TDRP: variants seen among roughly 807,000 people sequenced by gnomAD.
TDRP encodes the protein testis development related protein.
A neutral mutation model predicts 10.5 loss-of-function variants in TDRP; 12 were observed. The ratio of observed to expected loss-of-function variants is 1.15; its 90% CI spans 0.73 to 1.86. The LOEUF is 1.86. TDRP is among the 40% of genes most tolerant of loss of function. TDRP has a pLI of 0.00. For synonymous variants in TDRP, 139 were observed against 95.4 expected (o/e 1.46, Z -2.67); for missense variants, 353 against 229.2 (o/e 1.54, Z -3.49).
At chr8:503,922 C>T (rs942316343) in intron 1 of TDRP, among the ~76,000 whole-genome samples, 4 of 147,378 alleles carry the variant, frequency 2.7e-5, no homozygotes, top group Non-Finnish European at 6.0e-5. Context: ...CACGCACCAA[C>T]ATGGAATCCA....
chr8:542,314 G>A (rs1802517447), intron 1 of TDRP, among the ~76,000 whole-genome samples: 1 of 152,074 alleles, frequency 6.6e-6, no homozygotes, highest in Admixed American at 6.6e-5. Flanking sequence ...ACAATGGTGG[G>A]CAAACGTCAG....
At chr8:511,269 G>C (rs1801609769) in intron 1 of TDRP, among the ~76,000 whole-genome samples, 1 of 152,110 alleles carries the variant, frequency 6.6e-6, no homozygotes, top group Non-Finnish European at 1.5e-5. Context: ...AAAACTGACT[G>C]AAAGTGAAAG....
chr8:491,709 A>C lies in TDRP; in HGVS notation c.*690T>G. 2 of 1,492,640 alleles carry C rather than the reference A, an allele frequency of 1.3e-6. No individual in the cohort carries two copies. The highest frequency in any genetic ancestry group is 1.8e-6 in the Non-Finnish European group (2 of 1,133,578). 92.5% of individuals were successfully genotyped at this position (1,492,640 alleles called of 1,614,324 possible). A position where few individuals can be genotyped will look rare whatever the true frequency, so the allele number is the denominator to read the frequency against. ...AGAGAGCAAATGTTTTAAGAAAATA[A>C]AGGGACCGATTTAGAAGTTCAAAAG... On this transcript the variant is annotated 3_prime_UTR_variant, in exon 3 of 3. Coordinates refer to ENST00000324079, the MANE Select transcript of TDRP (RefSeq NM_001384899.1).
chr8:517,638 T>C (rs997287261), intron 1 of TDRP, among the ~76,000 whole-genome samples: 1 of 152,134 alleles, frequency 6.6e-6, no homozygotes, highest in African/African-American at 2.4e-5. Context: ...CAAACCAATA[T>C]ATACCTTACA....
chr8:530,430 T>A (rs550152543), intron 1 of TDRP, among the ~76,000 whole-genome samples: 11 of 152,288 alleles, frequency 7.2e-5, no homozygotes, highest in African/African-American at 2.6e-4. Context: ...TCATTATTTT[T>A]TTGCTGGGAT....
rs1288172039 is a variant in TDRP at position 496,187 on chromosome 8, A to G, written c.109-1590T>C. ...CAGGTATCAGCTTTCCACATCACACACTGCACAAAAACCGATCACACAACC... is the reference window on the plus strand; with the variant it reads ...CAGGTATCAGCTTTCCACATCACACGCTGCACAAAAACCGATCACACAACC... On this transcript the variant is annotated intron_variant, in intron 1 of 2. Transcript: ENST00000324079. Among the ~76,000 whole-genome samples the G allele has an allele frequency of 3.3e-5, 5 of 152,264 alleles. No individual in the cohort carries two copies. In the East Asian group the frequency reaches 9.7e-4, roughly 29 times the overall value.
chr8:504,214 T>C (rs904548981), intron 1 of TDRP, among the ~76,000 whole-genome samples: 5 of 152,222 alleles, frequency 3.3e-5, no homozygotes, highest in African/African-American at 7.2e-5. Flanking sequence ...GGAGTTGTTT[T>C]TCCTCCTGTT....
At chr8:522,360 G>C (rs1197425766) in intron 1 of TDRP, among the ~76,000 whole-genome samples, 2 of 152,152 alleles carry the variant, frequency 1.3e-5, no homozygotes, top group Admixed American at 6.5e-5. Context: ...AATTCCCCTT[G>C]AGGAAGAGAA....
chr8:528,843 A>G (rs1027536875), intron 1 of TDRP, among the ~76,000 whole-genome samples: 3 of 150,014 alleles, frequency 2.0e-5, no homozygotes, highest in East Asian at 2.0e-4. Context: ...ATGTGTGTGT[A>G]TATATGTGTG....
At chr8:518,579 A>T (rs1584870364) in intron 1 of TDRP, among the ~76,000 whole-genome samples, 1 of 152,140 alleles carries the variant, frequency 6.6e-6, no homozygotes, top group African/African-American at 2.4e-5. Flanking sequence ...AGGAAAGCTG[A>T]GTAACTATTT....
At chr8:495,575 G>T (rs1355551189) in intron 1 of TDRP, among the ~76,000 whole-genome samples, 1 of 152,162 alleles carries the variant, frequency 6.6e-6, no homozygotes, top group Non-Finnish European at 1.5e-5. Flanking sequence ...TGTGTCGAAG[G>T]CCCTTCATAT....
intron 1 of TDRP, among the ~76,000 whole-genome samples, chr8:507,796 T>C (rs1801506794): frequency 6.6e-6 from 1 of 152,274 alleles, no homozygotes; most frequent in East Asian, 1.9e-4. Context: ...AAATGTCCAG[T>C]TTCTAACCAG....
At chr8:507,003 C>A (rs1801484110) in intron 1 of TDRP, among the ~76,000 whole-genome samples, 1 of 152,166 alleles carries the variant, frequency 6.6e-6, no homozygotes, top group South Asian at 2.1e-4. Flanking sequence ...ACTCACAGTT[C>A]TGCAAGCTTA....
chr8:514,690 G>C (rs1801708554), intron 1 of TDRP, among the ~76,000 whole-genome samples: 2 of 152,154 alleles, frequency 1.3e-5, no homozygotes, highest in Non-Finnish European at 2.9e-5. Flanking sequence ...AGTCACCTCA[G>C]TGCCTCAGTG....
At chr8:512,571 T>A (rs149743838) in intron 1 of TDRP, among the ~76,000 whole-genome samples, 4 of 151,660 alleles carry the variant, frequency 2.6e-5, no homozygotes, top group African/African-American at 9.7e-5. Flanking sequence ...TAAAGAAACA[T>A]TGTCCATCAA....
At chr8:509,234 G>T (rs1042809184) in intron 1 of TDRP, among the ~76,000 whole-genome samples, 1 of 152,168 alleles carries the variant, frequency 6.6e-6, no homozygotes, top group Non-Finnish European at 1.5e-5. Context: ...TCTGAGGATG[G>T]TGGCCCTTTT....
rs542001962 is a variant in TDRP, at chr8:491,551, G to C, written c.*848C>G. 1 of 1,440,094 alleles carries C rather than the reference G, an allele frequency of 6.9e-7. No homozygotes were observed. The highest frequency in any genetic ancestry group is 2.6e-5 in the East Asian group (1 of 39,044). 89.2% of individuals were successfully genotyped at this position (1,440,094 alleles called of 1,614,324 possible). A position where few individuals can be genotyped will look rare whatever the true frequency, so the allele number is the denominator to read the frequency against. On this transcript the variant is annotated 3_prime_UTR_variant, in exon 3 of 3. Transcript: ENST00000324079. ...TCGCTTTGCAAGAACAAACATATGA[G>C]CCTAATAAAAAAGAGGCACTTCAGT...
intron 1 of TDRP, among the ~76,000 whole-genome samples, chr8:516,631 G>A (rs1032317428): frequency 6.6e-6 from 1 of 152,166 alleles, no homozygotes; most frequent in Non-Finnish European, 1.5e-5. Context: ...ACATGGAGCA[G>A]CAGGAACTCT....
chr8:533,500 A>G (rs1301290977), intron 1 of TDRP, among the ~76,000 whole-genome samples: 2 of 152,190 alleles, frequency 1.3e-5, no homozygotes, highest in African/African-American at 2.4e-5. Context: ...ATGTCCTGAC[A>G]AATCTTCCAT....
Sources: allele counts gnomAD v4.1 joint callset (sites outside exome capture counted in the v4.1 genomes callset), GRCh38; gene constraint gnomAD v4.1.1; transcripts MANE v1.5; gene names NCBI Gene and HGNC (gene_info 2026-07-23, HGNC 2026-07-21).